CACNA1E: variants seen among roughly 807,000 people sequenced by gnomAD.
CACNA1E encodes calcium voltage-gated channel subunit alpha1 E, also known as voltage-dependent R-type calcium channel subunit alpha-1E.
CACNA1E carries 40 observed loss-of-function variants against 259.2 expected under a neutral mutation model. That is an observed-to-expected ratio of 0.15 (90% confidence interval 0.12 to 0.20). The LOEUF (loss-of-function observed/expected upper bound fraction) is 0.20, where lower values mean the gene tolerates loss of function less well. CACNA1E is among the 10% of genes least tolerant of loss of function. The pLI is 1.00. For synonymous variants in CACNA1E, 1,104 were observed against 1,138.5 expected (o/e 0.97, Z 0.61); for missense variants, 1,874 against 3,040.1 (o/e 0.62, Z 9.02).
chr1:181,484,171 G>A (rs1026732300), intron 1 of CACNA1E, among the ~76,000 whole-genome samples, 161 bp downstream of exon 1: 2 of 152,090 alleles, frequency 1.3e-5, no homozygotes, highest in African/African-American at 4.8e-5. Flanking sequence ...GCTTGGTGCC[G>A]TGGAGACCCG....
intron 1 of CACNA1E, among the ~76,000 whole-genome samples, chr1:181,352,183 G>A (rs1379805487): frequency 6.6e-6 from 1 of 152,192 alleles, no homozygotes; most frequent in Admixed American, 6.5e-5. Context: ...GATTTGATCA[G>A]CAGGAAAGAG....
intron 3 of CACNA1E, among the ~76,000 whole-genome samples, chr1:181,537,257 A>G (rs1668249295): frequency 6.6e-6 from 1 of 151,368 alleles, no homozygotes; most frequent in Non-Finnish European, 1.5e-5. Flanking sequence ...GAACCACCAC[A>G]CCTGGCTAAT....
chr1:181,433,762 G>A (rs887806815), intron 2 of CACNA1E, among the ~76,000 whole-genome samples: 7 of 152,108 alleles, frequency 4.6e-5, no homozygotes, highest in African/African-American at 9.7e-5. Flanking sequence ...TACTGTGAGC[G>A]TTATAACAAT....
chr1:181,492,254 C>T (rs1664381371), intron 1 of CACNA1E, among the ~76,000 whole-genome samples: 1 of 152,120 alleles, frequency 6.6e-6, no homozygotes, highest in South Asian at 2.1e-4. Context: ...CCCTAGGTAC[C>T]ACAGAATGTT....
intron 2 of CACNA1E, among the ~76,000 whole-genome samples, chr1:181,461,812 T>C (rs1661836793): frequency 6.6e-6 from 1 of 152,048 alleles, no homozygotes; most frequent in South Asian, 2.1e-4. Context: ...TTTACATTTG[T>C]TATAGAAAAT....
intron 7 of CACNA1E, among the ~76,000 whole-genome samples, chr1:181,709,705 G>T (rs1055542335): frequency 6.6e-6 from 1 of 152,156 alleles, no homozygotes; most frequent in Admixed American, 6.5e-5. Flanking sequence ...ACAGCTCACT[G>T]TAACCTCGAA....
intron 3 of CACNA1E, among the ~76,000 whole-genome samples, chr1:181,557,274 A>G (rs548027792): frequency 6.6e-6 from 1 of 152,352 alleles, no homozygotes; most frequent in South Asian, 2.1e-4. Flanking sequence ...AGCCAGTGAC[A>G]GATGTGGTGG....
At chr1:181,448,956 C>T (rs781097655) in intron 2 of CACNA1E, among the ~76,000 whole-genome samples, 21 of 152,220 alleles carry the variant, frequency 1.4e-4, no homozygotes, top group Non-Finnish European at 2.2e-4. Flanking sequence ...TGGCACAGAA[C>T]GGCCTGGAGT....
chr1:181,326,707 C>G (rs558230727), intron 1 of CACNA1E, among the ~76,000 whole-genome samples: 5 of 152,338 alleles, frequency 3.3e-5, no homozygotes, highest in African/African-American at 9.6e-5. Context: ...TTCTCTCCAA[C>G]TGAATACTAG....
intron 7 of CACNA1E, among the ~76,000 whole-genome samples, chr1:181,677,822 T>C (rs1042792816): frequency 6.6e-6 from 1 of 152,042 alleles, no homozygotes; most frequent in African/African-American, 2.4e-5. Flanking sequence ...AGAGTGGGTT[T>C]TGGGGGAGAA....
At chr1:181,637,332 T>C (rs1657314511) in intron 6 of CACNA1E, among the ~76,000 whole-genome samples, 1 of 152,178 alleles carries the variant, frequency 6.6e-6, no homozygotes, top group Admixed American at 6.5e-5. Flanking sequence ...CTAGTTTTGC[T>C]ATTTTAGTGG....
intron 3 of CACNA1E, among the ~76,000 whole-genome samples, chr1:181,524,559 G>A (rs988063078): frequency 6.6e-6 from 1 of 152,202 alleles, no homozygotes; most frequent in African/African-American, 2.4e-5. Flanking sequence ...ACAGGCCAGT[G>A]TGTCCTGAAC....
intron 7 of CACNA1E, among the ~76,000 whole-genome samples, chr1:181,690,288 A>T (rs1375510761): frequency 6.6e-6 from 1 of 151,980 alleles, no homozygotes; most frequent in Non-Finnish European, 1.5e-5. Flanking sequence ...ATGGTTGTAG[A>T]TGTGTGGCAT....
intron 16 of CACNA1E, among the ~76,000 whole-genome samples, chr1:181,722,930 C>T (rs1249870997): frequency 1.3e-5 from 2 of 152,076 alleles, no homozygotes; most frequent in African/African-American, 4.8e-5. Flanking sequence ...TCCATGTGTC[C>T]CAATGGCACC....
intron 1 of CACNA1E, among the ~76,000 whole-genome samples, chr1:181,325,345 C>T (rs1359060470): frequency 6.6e-6 from 1 of 152,226 alleles, no homozygotes; most frequent in Non-Finnish European, 1.5e-5. Context: ...ACGGCCCTTC[C>T]CCAGGGCCAC....
rs752565627 is a variant in CACNA1E, at chr1:181,485,753, C to T, written c.266+1743C>T. 3.9e-5 allele frequency among the ~76,000 whole-genome samples: 6 copies of T among 152,210 alleles called. No homozygotes were observed. Among genetic ancestry groups the T allele is most frequent in the Non-Finnish European group, 8.8e-5 (6 of 68,040 alleles). On this transcript the variant is annotated intron_variant, in intron 1 of 47. Coordinates refer to ENST00000367573, the MANE Select transcript of CACNA1E (RefSeq NM_001205293.3). This position sits in a 1 kb window ranked among gnomAD's most constrained non-coding sequence, Gnocchi z 4.2. ...CCCAGCTGGGCCCTCCTTTCTCACT[C>T]GGCTTCTACGGTTCTCTAAATCTTC...
chr1:181,340,342 C>T (rs777039074), intron 1 of CACNA1E, among the ~76,000 whole-genome samples: 18 of 151,824 alleles, frequency 1.2e-4, no homozygotes, highest in African/African-American at 1.5e-4. Flanking sequence ...TTAATTAATG[C>T]GATTTTATAA....
chr1:181,475,504 G>T (rs1190103212), intron 2 of CACNA1E, among the ~76,000 whole-genome samples: 2 of 152,176 alleles, frequency 1.3e-5, no homozygotes, highest in Non-Finnish European at 2.9e-5. Flanking sequence ...AAGCAGAAAA[G>T]AGGAAGAATA....
At chr1:181,750,120 G>A (rs748627618) in intron 25 of CACNA1E, among the ~76,000 whole-genome samples, 18 of 152,250 alleles carry the variant, frequency 1.2e-4, no homozygotes, top group Non-Finnish European at 5.9e-5. Context: ...GAAAGTAAAC[G>A]CCTGCACTTA....
Sources: gnomAD v4.1 joint callset for allele counts (sites outside exome capture counted in the v4.1 genomes callset) on GRCh38, gnomAD v4.1.1 for gene constraint, Gnocchi (gnomAD v3.1) non-coding constraint, MANE v1.5 for transcripts, NCBI Gene and HGNC (gene_info 2026-07-23, HGNC 2026-07-21) for gene names.